Variants in PAK1 observed in about 807,000 individuals in gnomAD.
PAK1 encodes the protein serine/threonine-protein kinase PAK 1.
A neutral mutation model predicts 67.4 loss-of-function variants in PAK1; 29 were observed. That is an observed-to-expected ratio of 0.43 (90% CI 0.32 to 0.59). PAK1 has a LOEUF of 0.59. Among genes scored for constraint, PAK1 ranks in the 20% least tolerant of loss-of-function variants. The pLI, the probability that PAK1 is intolerant of heterozygous loss-of-function variation, is 0.07. For synonymous variants in PAK1, 223 were observed against 237.4 expected, an observed-to-expected ratio of 0.94 and a Z score of 0.56; for missense variants, 337 against 670.7, an observed-to-expected ratio of 0.50 and a Z score of 5.50.
intron 9 of PAK1, among the ~76,000 whole-genome samples, chr11:77,346,397 C>T (rs1944428944): frequency 6.6e-6 from 1 of 152,192 alleles, no homozygotes; most frequent in Admixed American, 6.5e-5. Flanking sequence ...ACTCTGAGGA[C>T]TTAAGCTCAG....
chr11:77,473,905 G>A lies in PAK1; in HGVS notation c.-375C>T, dbSNP rs1323314814. The A allele has an allele frequency of 6.6e-6, 1 of 152,278 alleles. No homozygotes were observed. Among genetic ancestry groups the A allele is most frequent in the Non-Finnish European group, 1.5e-5 (1 of 68,440 alleles). 9.4% of individuals were successfully genotyped at this position (152,278 alleles called of 1,614,324 possible). A position where few individuals can be genotyped will look rare whatever the true frequency, so the allele number is the denominator to read the frequency against. On this transcript the variant is annotated 5_prime_UTR_variant, in exon 1 of 15. Coordinates refer to ENST00000356341, the MANE Select transcript of PAK1 (RefSeq NM_002576.5). ...CGCGGGGCTCCGTGGAAAAGGGAATGAGAGTCCAAGGGGGAAGGCGTCTGT... is the reference window on the plus strand; with the variant it reads ...CGCGGGGCTCCGTGGAAAAGGGAATAAGAGTCCAAGGGGGAAGGCGTCTGT...
chr11:77,452,677 C>G (rs1956909994), intron 1 of PAK1, among the ~76,000 whole-genome samples: 1 of 152,046 alleles, frequency 6.6e-6, no homozygotes, highest in South Asian at 2.1e-4. Context: ...TGCTCAGCAC[C>G]AAAGAGTAGA....
chr11:77,444,956 T>C (rs1025007972), intron 1 of PAK1, among the ~76,000 whole-genome samples: 2 of 149,388 alleles, frequency 1.3e-5, no homozygotes, highest in Non-Finnish European at 3.0e-5. Context: ...CCTACTGTTA[T>C]GGGTTGAATT....
chr11:77,323,937 T>C (rs1243717905), intron 14 of PAK1, among the ~76,000 whole-genome samples: 1 of 152,152 alleles, frequency 6.6e-6, no homozygotes, highest in Non-Finnish European at 1.5e-5. Flanking sequence ...CATGACCCAG[T>C]AGTATATCGC....
Position 77,324,776 on chromosome 11 carries a change from CAGAGAGAGAGAG to C in PAK1, c.1552-1428_1552-1417del, listed in dbSNP as rs749691736. On this transcript the variant is annotated intron_variant, in intron 14 of 14. Transcript: ENST00000356341. ...ACACACACACACACACACACACACACAGAGAGAGAGAGAGACAGAGAGAGAGAGAGAAAGAGA... is the reference window on the plus strand; with the variant it reads ...ACACACACACACACACACACACACACAGACAGAGAGAGAGAGAGAAAGAGA... Among the ~76,000 whole-genome samples, 271 of 126,888 alleles carry C rather than the reference CAGAGAGAGAGAG, an allele frequency of 2.1e-3. 3 individuals are homozygous for C. The highest frequency in any genetic ancestry group is 0.01 in the African/African-American group (258 of 24,790). 83.2% of individuals were successfully genotyped at this position (126,888 alleles called of 152,430 possible). A position where few individuals can be genotyped will look rare whatever the true frequency, so the allele number is the denominator to read the frequency against.
chr11:77,472,266 C>G (rs1488018210), intron 1 of PAK1, among the ~76,000 whole-genome samples: 1 of 152,144 alleles, frequency 6.6e-6, no homozygotes, highest in African/African-American at 2.4e-5. Flanking sequence ...TTTTCAGGGT[C>G]AATGTTCCCA....
At chr11:77,476,851 G>T (rs1189843751), upstream of PAK1, 1 of 152,080 alleles carries the variant, frequency 6.6e-6, no homozygotes, top group Non-Finnish European at 1.5e-5. Context: ...GGGCGTGGTG[G>T]CACATGCTTG....
At chr11:77,485,102 T>C in the PAK1 span, among the ~76,000 whole-genome samples, 2 of 152,022 alleles carry the variant, frequency 1.3e-5, no homozygotes, top group Non-Finnish European at 2.9e-5. Flanking sequence ...CCACATCACT[T>C]GGGAATTCAA....
At chr11:77,488,131 T>G in the PAK1 span, among the ~76,000 whole-genome samples, 5 of 152,234 alleles carry the variant, frequency 3.3e-5, no homozygotes, top group African/African-American at 9.7e-5. Flanking sequence ...GAGTCTCTAC[T>G]TGGTAATCTG....
chr11:77,395,699 A>C (rs1951745767), intron 1 of PAK1, among the ~76,000 whole-genome samples: 1 of 152,186 alleles, frequency 6.6e-6, no homozygotes, highest in East Asian at 1.9e-4. Flanking sequence ...GCCAAACCCT[A>C]ACCCCACTTC....
chr11:77,434,174 C>T (rs966906487), intron 1 of PAK1, among the ~76,000 whole-genome samples: 1 of 152,048 alleles, frequency 6.6e-6, no homozygotes, highest in South Asian at 2.1e-4. Flanking sequence ...TATATCTACA[C>T]AAAAAATGTA....
At chr11:77,501,466 G>A in the PAK1 span, among the ~76,000 whole-genome samples, 1,665 of 152,128 alleles carry the variant, frequency 0.011, 37 homozygotes, top group African/African-American at 0.038. Flanking sequence ...CCCTCTTCTC[G>A]GGTAATAAGC....
At chr11:77,362,433 C>G (rs979254495) in intron 5 of PAK1, among the ~76,000 whole-genome samples, 1 of 151,996 alleles carries the variant, frequency 6.6e-6, no homozygotes, top group Non-Finnish European at 1.5e-5. Flanking sequence ...ATATCACTGG[C>G]TACTTTATAA....
At chr11:77,339,605 T>C (rs1328409383) in intron 11 of PAK1, among the ~76,000 whole-genome samples, 1 of 152,136 alleles carries the variant, frequency 6.6e-6, no homozygotes, top group African/African-American at 2.4e-5. Context: ...GGACCATTAT[T>C]TTCTAGGGCA....
At chr11:77,518,661 A>G in the PAK1 span, among the ~76,000 whole-genome samples, 1 of 152,112 alleles carries the variant, frequency 6.6e-6, no homozygotes, top group South Asian at 2.1e-4. Context: ...TCCACCCTGG[A>G]TCTCATCATC....
At chr11:77,417,000 C>T (rs1442836056) in intron 1 of PAK1, among the ~76,000 whole-genome samples, 1 of 151,856 alleles carries the variant, frequency 6.6e-6, no homozygotes, top group Non-Finnish European at 1.5e-5. Flanking sequence ...ATATGACTGG[C>T]AGCACAGCAG....
rs186338205 is a variant in PAK1 at position 77,402,455 on chromosome 11, T to C, written c.-21-9914A>G. ...TCTTATAATCCTCTGCCTACCATCT[T>C]GGGAAATTCCTAATCTGCAACCCCA... On this transcript the variant is annotated intron_variant, in intron 1 of 14. Coordinates refer to ENST00000356341, the MANE Select transcript of PAK1 (RefSeq NM_002576.5). Among the ~76,000 whole-genome samples, 4 of 152,312 alleles carry C rather than the reference T, an allele frequency of 2.6e-5. No individual in the cohort carries two copies. The East Asian group carries it at 7.7e-4, about 29-fold the overall frequency.
intron 1 of PAK1, among the ~76,000 whole-genome samples, chr11:77,464,088 ACT>A (rs1196936382): frequency 6.6e-6 from 1 of 152,282 alleles, no homozygotes; most frequent in East Asian, 1.9e-4. Flanking sequence ...TTGTCTTCAA[ACT>A]CTGGTATGTA....
Position 77,374,328 on chromosome 11 carries a change from C to A in PAK1, c.477G>T (p.Leu159Phe). ...SAEDYNSSNA[L>F]NVKAVSETPA... ...CAAAATAGAGTAAATAAAGACTTACCAAGGCATTAGAAGAATTGTAATCCT... is the reference window on the plus strand; with the variant it reads ...CAAAATAGAGTAAATAAAGACTTACAAAGGCATTAGAAGAATTGTAATCCT... The change falls in exon 5 of 15, where the codon TTG becomes TTT. Residue 159 changes from leucine (L) to phenylalanine (F), a missense_variant and splice_region_variant. By Grantham distance (22) the Leu-to-Phe change is conservative. This residue lies in a region of PAK1 where 150 missense variants were observed against 179.0 expected (regional missense o/e 0.84). Coordinates refer to ENST00000356341, the MANE Select transcript of PAK1 (RefSeq NM_002576.5). The A allele has an allele frequency of 6.3e-7, 1 of 1,579,772 alleles. No homozygotes were observed. The highest frequency in any genetic ancestry group is 8.7e-7 in the Non-Finnish European group (1 of 1,148,832).
Sources: allele counts gnomAD v4.1 joint callset (sites outside exome capture counted in the v4.1 genomes callset), GRCh38; gene constraint gnomAD v4.1.1; regional missense constraint gnomAD v4.1.1; transcripts MANE v1.5; gene names NCBI Gene and HGNC (gene_info 2026-07-23, HGNC 2026-07-21).